STK17A: variants seen among roughly 807,000 people sequenced by gnomAD.
STK17A encodes serine/threonine-protein kinase 17A.
In STK17A, 26 loss-of-function variants were observed where a neutral mutation model predicts 43.7. That is an observed-to-expected ratio of 0.60 (90% CI 0.44 to 0.83). The LOEUF (loss-of-function observed/expected upper bound fraction) is 0.83, where lower values mean the gene tolerates loss of function less well. Among genes scored for constraint, STK17A ranks in the 40% least tolerant of loss-of-function variants. The probability of loss-of-function intolerance (pLI) is 0.00; values close to 1 mark genes in which losing one functional copy is unlikely to be tolerated. For missense variants in STK17A, 476 were observed against 511.6 expected, an observed-to-expected ratio of 0.93 and a Z score of 0.67; for synonymous variants, 191 against 182.5, an observed-to-expected ratio of 1.05 and a Z score of -0.38.
intron 3 of STK17A, among the ~76,000 whole-genome samples, chr7:43,619,354 T>C (rs1480323211): frequency 2.0e-5 from 3 of 152,132 alleles, no homozygotes; most frequent in East Asian, 3.9e-4. Flanking sequence ...AAGGTAGGGA[T>C]AGAAACATAT....
chr7:43,619,839 C>T, intron 4 of STK17A, 116 bp downstream of exon 4: 1 of 1,304,664 alleles, frequency 7.7e-7, no homozygotes, highest in African/African-American at 1.5e-5. Flanking sequence ...GAAATTCTAC[C>T]ATCAGAGATC....
At chr7:43,596,242 A>G (rs2082514686) in intron 2 of STK17A, 129 bp downstream of exon 2, 2 of 766,114 alleles carry the variant, frequency 2.6e-6, no homozygotes, top group Non-Finnish European at 3.9e-6. Flanking sequence ...GATCATCTTC[A>G]GGTGTTCCTC....
rs527783926 is a variant in STK17A, at chr7:43,626,268, C to A, written c.*1426C>A. 1.3e-5 allele frequency: 2 copies of A among 152,170 alleles called. No homozygotes were observed. Among genetic ancestry groups the A allele is most frequent in the East Asian group, 3.8e-4 (2 of 5,204 alleles). 9.4% of individuals were successfully genotyped at this position (152,170 alleles called of 1,614,324 possible). A position where few individuals can be genotyped will look rare whatever the true frequency, so the allele number is the denominator to read the frequency against. On this transcript the variant is annotated 3_prime_UTR_variant, in exon 7 of 7. Coordinates refer to ENST00000319357, the MANE Select transcript of STK17A (RefSeq NM_004760.3). ...TGTCAAAATCATGAAAATGACAGCA[C>A]CTAACCACTATTTTAAAGTATGTAC... is the stretch of plus-strand genomic sequence containing the variant.
intron 2 of STK17A, 131 bp downstream of exon 2, chr7:43,596,244 G>C (rs2082514721): frequency 1.3e-6 from 1 of 744,264 alleles, no homozygotes; most frequent in Non-Finnish European, 2.0e-6. Flanking sequence ...TCATCTTCAG[G>C]TGTTCCTCTT....
chr7:43,590,968 TC>T (rs1451227031), intron 1 of STK17A, among the ~76,000 whole-genome samples: 1 of 151,564 alleles, frequency 6.6e-6, no homozygotes, highest in Admixed American at 6.6e-5. Flanking sequence ...TCTCCTGTTT[TC>T]TTTATACAAT....
At chr7:43,596,206 T>G in intron 2 of STK17A, 93 bp downstream of exon 2, 1 of 1,164,006 alleles carries the variant, frequency 8.6e-7, no homozygotes, top group Non-Finnish European at 1.2e-6. Context: ...CCAGGCCTGG[T>G]TCTCTGGAAA....
At chr7:43,601,586 T>TCAGTTCTTCCAGTCTTCAC (rs1024485968) in intron 2 of STK17A, among the ~76,000 whole-genome samples, 4 of 152,174 alleles carry the variant, frequency 2.6e-5, no homozygotes, top group Non-Finnish European at 4.4e-5. Flanking sequence ...GGGACCCATT[T>TCAGTTCTTCCAGTCTTCAC]CAGTTCTTCC....
chr7:43,606,916 CTTTTT>C (rs71011933), intron 2 of STK17A, among the ~76,000 whole-genome samples: 5 of 62,648 alleles, frequency 8.0e-5, no homozygotes, highest in African/African-American at 3.3e-4. Context: ...TTTCGATTTT[CTTTTT>C]TTTTTTTTTT....
At position 43,594,264 on chromosome 7, in the gene STK17A, G is replaced by GAAA. The variant is rs10624924; in HGVS notation, c.207-1627_207-1625dup. Among the ~76,000 whole-genome samples, 133 of 146,860 alleles carry GAAA rather than the reference G, an allele frequency of 9.1e-4. 1 individual carries two copies. Among genetic ancestry groups the GAAA allele is most frequent in the Admixed American group, 4.8e-3 (71 of 14,844 alleles). ...CAGAGTGAGACCCTGTCTCTTAAAG[G>GAAA]AAAAAAAAAAAACCCATGGGGATGG... On this transcript the variant is annotated intron_variant, in intron 1 of 6. Coordinates refer to ENST00000319357, the MANE Select transcript of STK17A (RefSeq NM_004760.3).
chr7:43,614,746 C>T (rs1389821108), intron 3 of STK17A, among the ~76,000 whole-genome samples: 1 of 152,176 alleles, frequency 6.6e-6, no homozygotes, highest in Non-Finnish European at 1.5e-5. Flanking sequence ...GAAAGTCTCT[C>T]ACATTGGTGT....
Position 43,583,123 on chromosome 7 carries a change from C to T in STK17A, c.-121C>T. The stretch of plus-strand genomic sequence containing the variant: ...TCTGCCTGCCGCAGTCCGAGCGCCG[C>T]GCTGGGGAGAGCGGGTGTTTGAAGG... On this transcript the variant is annotated 5_prime_UTR_variant, in exon 1 of 7. Transcript: ENST00000319357. 2 of 1,096,442 alleles carry T rather than the reference C, an allele frequency of 1.8e-6. No individual in the cohort carries two copies. Among genetic ancestry groups the T allele is most frequent in the South Asian group, 1.5e-5 (1 of 67,114 alleles). 67.9% of individuals were successfully genotyped at this position (1,096,442 alleles called of 1,614,324 possible).
intron 1 of STK17A, among the ~76,000 whole-genome samples, chr7:43,583,761 C>A (rs1166805790): frequency 1.3e-5 from 2 of 152,172 alleles, no homozygotes; most frequent in East Asian, 3.9e-4. Context: ...AGAGAAGGTG[C>A]GGGCCGCGCT....
intron 1 of STK17A, among the ~76,000 whole-genome samples, chr7:43,595,334 G>A (rs758436186): frequency 7.0e-6 from 1 of 143,708 alleles, no homozygotes; most frequent in Non-Finnish European, 1.5e-5. Context: ...CTGGAGTGCA[G>A]TGGCATGATC....
rs528766509 is a variant in STK17A, at chr7:43,596,108, G to T, written c.414G>T (p.Leu138=). 2 of 1,607,514 alleles carry T rather than the reference G, an allele frequency of 1.2e-6. No individual in the cohort carries two copies. Among genetic ancestry groups the T allele is most frequent in the Non-Finnish European group, 1.7e-6 (2 of 1,176,472 alleles). ...CTGCATCAGAAATGATCTTAGTTCTGGAATAGTAAGTATTGTCTTTCTTAG... is the reference window on the plus strand; with the variant it reads ...CTGCATCAGAAATGATCTTAGTTCTTGAATAGTAAGTATTGTCTTTCTTAG... ...YETASEMILV[L]EYAAGGEIFD... Residue 138 remains leucine, a synonymous_variant, in exon 2 of 7, where the codon CTG becomes CTT. Coordinates refer to ENST00000319357, the MANE Select transcript of STK17A (RefSeq NM_004760.3).
rs749577865 is a variant in STK17A, at chr7:43,624,506, G to C, written c.921-12G>C. 1 of 1,593,558 alleles carries C rather than the reference G, an allele frequency of 6.3e-7. No individual in the cohort carries two copies. Among genetic ancestry groups the C allele is most frequent in the Admixed American group, 1.8e-5 (1 of 56,650 alleles). ...CTAACATGTCTTAACTGTAAAACAT[G>C]TATCTTTACAGAGATCGAGCCACTG... On this transcript the variant is annotated splice_polypyrimidine_tract_variant and intron_variant, in intron 6 of 6. Coordinates refer to ENST00000319357, the MANE Select transcript of STK17A (RefSeq NM_004760.3).
intron 1 of STK17A, among the ~76,000 whole-genome samples, chr7:43,587,188 T>C (rs1287139324): frequency 1.5e-5 from 2 of 135,756 alleles, no homozygotes; most frequent in Non-Finnish European, 3.2e-5. Context: ...GGAGTCTCGC[T>C]CTGTCGCCCA....
At chr7:43,595,469 G>A (rs536865465) in intron 1 of STK17A, among the ~76,000 whole-genome samples, 1 of 152,152 alleles carries the variant, frequency 6.6e-6, no homozygotes, top group African/African-American at 2.4e-5. Context: ...AGTAGAGACA[G>A]GGTTTCGCCA....
intron 1 of STK17A, among the ~76,000 whole-genome samples, chr7:43,586,734 T>C (rs918470503): frequency 6.6e-6 from 1 of 151,598 alleles, no homozygotes; most frequent in African/African-American, 2.4e-5. Context: ...TCAACTTTAA[T>C]GTTTTTAATA....
intron 3 of STK17A, among the ~76,000 whole-genome samples, chr7:43,614,876 A>G (rs939025208): frequency 2.0e-5 from 3 of 152,236 alleles, no homozygotes; most frequent in Non-Finnish European, 4.4e-5. Flanking sequence ...CATAGTAACT[A>G]AAGAAAGCAT....
Sources: gnomAD v4.1 joint callset for allele counts (sites outside exome capture counted in the v4.1 genomes callset) on GRCh38, gnomAD v4.1.1 for gene constraint, MANE v1.5 for transcripts, NCBI Gene and HGNC (gene_info 2026-07-23, HGNC 2026-07-21) for gene names.